Variants in SLF2 observed in about 807,000 individuals in gnomAD.
SLF2 encodes the protein SMC5-SMC6 complex localization factor protein 2.
A neutral mutation model predicts 124.3 loss-of-function variants in SLF2; 68 were observed. The ratio of observed to expected loss-of-function variants is 0.55; its 90% CI spans 0.45 to 0.67. The LOEUF is 0.67. Among genes scored for constraint, SLF2 ranks in the 30% least tolerant of loss-of-function variants. The probability of loss-of-function intolerance (pLI) is 0.00; values close to 1 mark genes in which losing one functional copy is unlikely to be tolerated. For missense variants in SLF2, 1,246 were observed against 1,373.7 expected (o/e 0.91, Z 1.47); for synonymous variants, 480 against 478.8 (o/e 1.00, Z -0.03).
At chr10:100,914,210 C>T (rs777679272) in intron 1 of SLF2, among the ~76,000 whole-genome samples, 2 of 152,192 alleles carry the variant, frequency 1.3e-5, no homozygotes, top group Non-Finnish European at 2.9e-5. Context: ...TCCAAGTTAT[C>T]CCCTTCCTAA....
rs193290687 is a variant in SLF2 at position 100,962,000 on chromosome 10, A to G, written c.*88A>G. Reference sequence around the variant, plus strand: ...GTAGAAAGGATTATTACAGAATCCAATGAATGCCAAGAAAATGTACAGCAA... The same window carrying G: ...GTAGAAAGGATTATTACAGAATCCAGTGAATGCCAAGAAAATGTACAGCAA... On this transcript the variant is annotated 3_prime_UTR_variant, in exon 20 of 20. Transcript: ENST00000238961. 430 of 1,206,706 alleles carry G rather than the reference A, an allele frequency of 3.6e-4. No homozygotes were observed. The highest frequency in any genetic ancestry group is 4.5e-4 in the Non-Finnish European group (385 of 852,992). 74.7% of individuals were successfully genotyped at this position (1,206,706 alleles called of 1,614,324 possible).
intron 16 of SLF2, 22 bp downstream of exon 16, chr10:100,950,229 CAA>C: frequency 6.2e-7 from 1 of 1,607,062 alleles, no homozygotes; most frequent in Non-Finnish European, 8.5e-7. Context: ...TAGAAGGTCT[CAA>C]AGAGTACATA....
At chr10:100,922,684 C>T (rs1434619512) in intron 4 of SLF2, among the ~76,000 whole-genome samples, 1 of 151,572 alleles carries the variant, frequency 6.6e-6, no homozygotes, top group Non-Finnish European at 1.5e-5. Context: ...CTAGGCTGGT[C>T]TTGAACTCCT....
rs914244843 is a variant in SLF2 at position 100,938,576 on chromosome 10, G to A, written c.2513-19G>A. On this transcript the variant is annotated intron_variant, in intron 10 of 19. Transcript: ENST00000238961. ...GTAGACCACAGATTTAGAATGAAAT[G>A]TTTTCTTCTGTTAATTAGATACCTT... 7 of 1,598,558 alleles carry A rather than the reference G, an allele frequency of 4.4e-6. No individual in the cohort carries two copies. In the African/African-American group the frequency reaches 8.1e-5, roughly 19 times the overall value.
chr10:100,957,507 T>G (rs1850355415), intron 18 of SLF2, among the ~76,000 whole-genome samples: 1 of 151,508 alleles, frequency 6.6e-6, no homozygotes, highest in Non-Finnish European at 1.5e-5. Context: ...CCCGCTACCA[T>G]GCCCGGCAAA....
Position 100,947,136 on chromosome 10 carries a change from G to T in SLF2, c.3032G>T (p.Arg1011Met), listed in dbSNP as rs1850120627. Reference sequence around the variant, plus strand: ...GTCCCTAATTGGACATCACGTGGAAGGTATTAAAAAGTGAAAATTAAACAT... The same window carrying T: ...GTCCCTAATTGGACATCACGTGGAATGTATTAAAAAGTGAAAATTAAACAT... The part of the protein sequence containing the change: ...QLVPNWTSRG[R>M]QLRQCLSLVI... The change falls in exon 14 of 20, where the codon AGG becomes ATG. Residue 1011 changes from arginine (R) to methionine (M), a missense_variant and splice_region_variant. By Grantham distance (91) the Arg-to-Met change is moderately conservative (BLOSUM62 -1). Transcript: ENST00000238961. 5 of 1,517,852 alleles carry T rather than the reference G, an allele frequency of 3.3e-6. No individual in the cohort carries two copies. The highest frequency in any genetic ancestry group is 1.3e-5 in the South Asian group (1 of 78,210). 94.0% of individuals were successfully genotyped at this position (1,517,852 alleles called of 1,614,324 possible).
chr10:100,925,022 A>G (rs182754163), intron 5 of SLF2, 50 bp downstream of exon 5: 2 of 1,518,982 alleles, frequency 1.3e-6, no homozygotes, highest in South Asian at 2.6e-5. Context: ...AAAGATGATT[A>G]ATTAGTGAAA....
chr10:100,957,497 C>T (rs1049840555), intron 18 of SLF2, among the ~76,000 whole-genome samples: 2 of 151,394 alleles, frequency 1.3e-5, no homozygotes, highest in Admixed American at 6.6e-5. Flanking sequence ...ATTACAGGCG[C>T]CCGCTACCAT....
chr10:100,919,635 C>T (rs1190652941), intron 4 of SLF2, among the ~76,000 whole-genome samples: 1 of 152,162 alleles, frequency 6.6e-6, no homozygotes, highest in Admixed American at 6.5e-5. Flanking sequence ...AAGGTCTCCA[C>T]AACTAACAAC....
At chr10:100,941,446 C>G (rs1849976824) in intron 11 of SLF2, among the ~76,000 whole-genome samples, 1 of 152,166 alleles carries the variant, frequency 6.6e-6, no homozygotes, top group South Asian at 2.1e-4. Context: ...CCACCTATGT[C>G]ATATCTATTC....
In SLF2 at chr10:100,963,638, A is replaced by G. The variant is rs1850463578; in HGVS notation, c.*1726A>G. On this transcript the variant is annotated 3_prime_UTR_variant, in exon 20 of 20. Coordinates refer to ENST00000238961, the MANE Select transcript of SLF2 (RefSeq NM_018121.4). ...AGATACATTATTTGTGTGTAATTTT[A>G]TACGTGTTCATATTTTTCTCATTTT... 1 of 152,612 alleles carries G rather than the reference A, an allele frequency of 6.6e-6. No homozygotes were observed. The allele number at this position is 152,612 out of a possible 1,614,324, so 9.5% of individuals were successfully genotyped here.
chr10:100,961,821 A>C, intron 19 of SLF2, 56 bp from the exon 20 acceptor site: 3 of 1,490,674 alleles, frequency 2.0e-6, no homozygotes, highest in Non-Finnish European at 2.8e-6. Flanking sequence ...ATAAGGATTA[A>C]TTCATAATAT....
Position 100,961,946 on chromosome 10 carries a change from G to C in SLF2, c.*34G>C. ...GCAGCAGCAAAAATATGAACCAAGA[G>C]AAATTCAATAAGAGCCTTTCATAGA... On this transcript the variant is annotated 3_prime_UTR_variant, in exon 20 of 20. Transcript: ENST00000238961. The C allele has an allele frequency of 6.3e-7, 1 of 1,586,656 alleles. No homozygotes were observed. Among genetic ancestry groups the C allele is most frequent in the South Asian group, 1.1e-5 (1 of 88,246 alleles).
chr10:100,956,832 A>G (rs1297562594), intron 18 of SLF2, among the ~76,000 whole-genome samples: 1 of 152,192 alleles, frequency 6.6e-6, no homozygotes, highest in Non-Finnish European at 1.5e-5. Context: ...AGGCTGAGGC[A>G]GGAGGATCAC....
intron 19 of SLF2, among the ~76,000 whole-genome samples, chr10:100,960,998 CTTTTTTTTTTTTTTTTT>C (rs59983480): frequency 1.3e-3 from 77 of 61,410 alleles, no homozygotes; most frequent in African/African-American, 4.2e-3. Flanking sequence ...TTCTGTACTT[CTTTTTTTTTTTTTTTTT>C]TTTTTTTTTT....
intron 15 of SLF2, among the ~76,000 whole-genome samples, chr10:100,949,056 T>G (rs1373905807): frequency 6.6e-6 from 1 of 152,160 alleles, no homozygotes; most frequent in Non-Finnish European, 1.5e-5. Context: ...TAACCAACTC[T>G]TATGGGTTAG....
In SLF2 at chr10:100,929,381, A is replaced by G. The variant is rs746661266; in HGVS notation, c.2107A>G (p.Ile703Val). Residue 703 changes from isoleucine to valine, a missense_variant, in exon 7 of 20, where the codon ATC (isoleucine) becomes GTC (valine). Physicochemically the swap from Ile to Val is conservative, Grantham distance 29. Around this residue, in one of 3 missense-constraint regions of SLF2, gnomAD observed 535 missense variants for 632.8 expected, o/e 0.85. Coordinates refer to ENST00000238961, the MANE Select transcript of SLF2 (RefSeq NM_018121.4). ...GCAAGGCCGAGGCATTAAATCCCCA[A>G]TCAGAATTGGAGAAGAAGACAGTAC... ...IRQGRGIKSP[I>V]RIGEEDSTDD... 13 of 1,613,296 alleles carry G rather than the reference A, an allele frequency of 8.1e-6. No individual in the cohort carries two copies. In the East Asian group the frequency reaches 1.1e-4, roughly 14 times the overall value.
intron 16 of SLF2, 40 bp downstream of exon 16, chr10:100,950,247 A>G (rs747309835): frequency 1.9e-6 from 3 of 1,575,418 alleles, no homozygotes; most frequent in South Asian, 2.4e-5. Flanking sequence ...ACATAGAAGC[A>G]TAACTGTTAT....
chr10:100,917,638 G>A lies in SLF2; in HGVS notation c.915+338G>A, dbSNP rs75862650. Reference sequence around the variant, plus strand: ...GTTGCTCATGCTGGAGTGCTATGGCGTGATCATGTCTCATTGCAGTCTCAA... The same window carrying A: ...GTTGCTCATGCTGGAGTGCTATGGCATGATCATGTCTCATTGCAGTCTCAA... On this transcript the variant is annotated intron_variant, in intron 3 of 19. Transcript: ENST00000238961. Among the ~76,000 whole-genome samples the A allele has an allele frequency of 3.2e-4, 49 of 152,224 alleles. 1 individual carries two copies. The East Asian group carries it at 8.7e-3, about 27-fold the overall frequency.
Sources: gnomAD v4.1 joint callset for allele counts (sites outside exome capture counted in the v4.1 genomes callset) on GRCh38, gnomAD v4.1.1 for gene constraint, gnomAD v4.1.1 regional missense constraint, MANE v1.5 for transcripts, NCBI Gene and HGNC (gene_info 2026-07-23, HGNC 2026-07-21) for gene names.